The following ZFHX3 variants were observed in gnomAD, a reference collection of about 807,000 sequenced individuals.
The protein encoded by ZFHX3 is zinc finger homeobox protein 3.
A neutral mutation model predicts 279.1 loss-of-function variants in ZFHX3; 42 were observed. The observed-to-expected ratio is 0.15, with a 90% confidence interval of 0.12 to 0.19. The LOEUF (loss-of-function observed/expected upper bound fraction) is 0.19. Among genes scored for constraint, ZFHX3 ranks in the 10% least tolerant of loss-of-function variants. ZFHX3 has a pLI of 1.00. For synonymous variants in ZFHX3, 2,293 were observed against 1,957.8 expected, an observed-to-expected ratio of 1.17 and a Z score of -4.52; for missense variants, 4,981 against 4,754.0, an observed-to-expected ratio of 1.05 and a Z score of -1.40.
intron 1 of ZFHX3, among the ~76,000 whole-genome samples, chr16:73,841,219 G>A (rs1961298081): frequency 6.6e-6 from 1 of 152,098 alleles, no homozygotes; most frequent in Non-Finnish European, 1.5e-5. Flanking sequence ...ACAGGCAGAG[G>A]TCTTATGAGC....
chr16:73,740,310 A>T (rs953771828), intron 1 of ZFHX3, among the ~76,000 whole-genome samples: 1 of 152,132 alleles, frequency 6.6e-6, no homozygotes, highest in African/African-American at 2.4e-5. Flanking sequence ...CATGCCAAAA[A>T]GTGACTGAGC....
intron 5 of ZFHX3, among the ~76,000 whole-genome samples, chr16:73,182,248 G>A (rs1967813173): frequency 6.6e-6 from 1 of 152,198 alleles, no homozygotes; most frequent in Admixed American, 6.5e-5. Flanking sequence ...CCTGAGGTTG[G>A]GAGTTCGAGA....
intron 1 of ZFHX3, among the ~76,000 whole-genome samples, chr16:73,833,545 G>C (rs1191397502): frequency 4.6e-5 from 7 of 151,852 alleles, no homozygotes; most frequent in African/African-American, 1.7e-4. Context: ...ATAAGTGGGA[G>C]TTGAACAATG....
chr16:73,144,864 C>T (rs577317024), intron 5 of ZFHX3, among the ~76,000 whole-genome samples: 1 of 152,288 alleles, frequency 6.6e-6, no homozygotes, highest in East Asian at 1.9e-4. Flanking sequence ...CTCAAGCTGA[C>T]ATTCCTGGGA....
chr16:73,800,968 T>C (rs1362806928), intron 1 of ZFHX3, among the ~76,000 whole-genome samples: 1 of 152,170 alleles, frequency 6.6e-6, no homozygotes, highest in Non-Finnish European at 1.5e-5. Flanking sequence ...CTGGTAGTTA[T>C]AAACGTGAGG....
chr16:73,443,799 G>A (rs1430622475), intron 3 of ZFHX3, among the ~76,000 whole-genome samples: 1 of 152,052 alleles, frequency 6.6e-6, no homozygotes, highest in African/African-American at 2.4e-5. Context: ...CTGTTGCCCA[G>A]GCTGGAGTGC....
chr16:73,707,532 C>A (rs1246657298), intron 1 of ZFHX3, among the ~76,000 whole-genome samples: 1 of 133,630 alleles, frequency 7.5e-6, no homozygotes, highest in Admixed American at 9.3e-5. Context: ...TAGGTGGGAA[C>A]TGAACAATGA....
chr16:73,090,324 C>T (rs143011026), intron 8 of ZFHX3, among the ~76,000 whole-genome samples: 6 of 152,056 alleles, frequency 3.9e-5, no homozygotes, highest in Non-Finnish European at 5.9e-5. Flanking sequence ...GCCTGGGAGG[C>T]GGAGGTTGCA....
chr16:73,208,810 T>C (rs1301717995), intron 5 of ZFHX3, among the ~76,000 whole-genome samples: 20 of 152,236 alleles, frequency 1.3e-4, no homozygotes, highest in Non-Finnish European at 7.3e-5. Context: ...GAAAATGTTA[T>C]TTTGCAAAAT....
chr16:73,138,875 G>C (rs1966838234), intron 6 of ZFHX3, among the ~76,000 whole-genome samples: 1 of 152,106 alleles, frequency 6.6e-6, no homozygotes. Context: ...CTCTTTAGTA[G>C]AGACAGAGTC....
intron 1 of ZFHX3, among the ~76,000 whole-genome samples, chr16:73,746,831 G>A (rs1041196348): frequency 2.6e-5 from 4 of 152,102 alleles, no homozygotes; most frequent in African/African-American, 7.2e-5. Context: ...ATTACCCAGA[G>A]TCTAAACTTT....
At chr16:72,877,632 T>G (rs1027308908) in intron 4 of ZFHX3, among the ~76,000 whole-genome samples, 1 of 152,210 alleles carries the variant, frequency 6.6e-6, no homozygotes, top group African/African-American at 2.4e-5. Flanking sequence ...TTTCCTGTGT[T>G]TCATACTTGG....
At chr16:73,283,120 C>T (rs369095238) in intron 4 of ZFHX3, among the ~76,000 whole-genome samples, 17 of 152,314 alleles carry the variant, frequency 1.1e-4, no homozygotes, top group African/African-American at 3.1e-4. Context: ...TCTCCATTGC[C>T]AGTGCCACGT....
At chr16:73,011,638 C>T (rs1430615147) in intron 1 of ZFHX3, among the ~76,000 whole-genome samples, 1 of 151,992 alleles carries the variant, frequency 6.6e-6, no homozygotes, top group Non-Finnish European at 1.5e-5. Flanking sequence ...GCAGGAGAAT[C>T]ACTTGAACCT....
intron 5 of ZFHX3, among the ~76,000 whole-genome samples, chr16:72,819,150 C>G (rs1420498078): frequency 6.6e-6 from 1 of 152,154 alleles, no homozygotes; most frequent in African/African-American, 2.4e-5. Context: ...ACTTATTAAG[C>G]AGTTTAGATA....
At chr16:73,390,117 T>G (rs1202492166) in intron 3 of ZFHX3, among the ~76,000 whole-genome samples, 1 of 152,102 alleles carries the variant, frequency 6.6e-6, no homozygotes, top group Non-Finnish European at 1.5e-5. Flanking sequence ...GTAACTGGCA[T>G]GCCTCACCTT....
chr16:73,779,051 G>A (rs1319760523), intron 1 of ZFHX3, among the ~76,000 whole-genome samples: 1 of 152,042 alleles, frequency 6.6e-6, no homozygotes, highest in Admixed American at 6.6e-5. Flanking sequence ...GCCCTAGGGT[G>A]GGGGTGGGTG....
At chr16:72,902,128 G>A (rs971058644) in intron 3 of ZFHX3, among the ~76,000 whole-genome samples, 2 of 152,146 alleles carry the variant, frequency 1.3e-5, no homozygotes, top group African/African-American at 2.4e-5. Context: ...AGGAAGGGGG[G>A]ATCAATAGAG....
At chr16:72,925,110 A>G (rs796383856) in intron 3 of ZFHX3, among the ~76,000 whole-genome samples, 8 of 152,310 alleles carry the variant, frequency 5.3e-5, no homozygotes, top group African/African-American at 1.9e-4. Flanking sequence ...ACATTGTACA[A>G]TCTGTGCTTT....
Sources: gnomAD v4.1 joint callset for allele counts (sites outside exome capture counted in the v4.1 genomes callset) on GRCh38, gnomAD v4.1.1 for gene constraint, MANE v1.5 for transcripts, NCBI Gene and HGNC (gene_info 2026-07-23, HGNC 2026-07-21) for gene names.